The following SPOP variants were observed in gnomAD, a reference collection of about 807,000 sequenced individuals.
SPOP encodes speckle-type POZ protein.
Under a neutral mutation model 45.6 loss-of-function variants are expected in SPOP, and 11 were observed. The observed-to-expected ratio is 0.24, with a 90% confidence interval of 0.15 to 0.40. The LOEUF (loss-of-function observed/expected upper bound fraction) is 0.40. Among genes scored for constraint, SPOP ranks in the 10% least tolerant of loss-of-function variants. The probability of loss-of-function intolerance (pLI) is 1.00; values close to 1 mark genes in which losing one functional copy is unlikely to be tolerated. For synonymous variants in SPOP, 166 were observed against 166.3 expected (o/e 1.00, Z 0.01); for missense variants, 152 against 465.6 (o/e 0.33, Z 6.20).
At chr17:49,620,519 A>C (rs185782483) in intron 3 of SPOP, 2 of 152,482 alleles carry the variant, frequency 1.3e-5, no homozygotes, top group Admixed American at 6.5e-5. Flanking sequence ...AATAATATAC[A>C]TAATCTTTTA....
At chr17:49,675,777 T>C (rs2073191270) in intron 1 of SPOP, 1 of 152,172 alleles carries the variant, frequency 6.6e-6, no homozygotes, top group Non-Finnish European at 1.5e-5. Flanking sequence ...CCCAGCACTT[T>C]GGGAGGCCAA....
chr17:49,644,464 G>A (rs1003739378), intron 1 of SPOP, among the ~76,000 whole-genome samples: 1 of 152,130 alleles, frequency 6.6e-6, no homozygotes, highest in Non-Finnish European at 1.5e-5. Context: ...AAGAGGAGAA[G>A]GAAGAAGAAG....
chr17:49,666,957 T>G (rs908832252), intron 1 of SPOP, among the ~76,000 whole-genome samples: 1 of 152,090 alleles, frequency 6.6e-6, no homozygotes, highest in African/African-American at 2.4e-5. Flanking sequence ...GGTGGGTGGA[T>G]CACCTGAGGT....
chr17:49,661,841 C>G (rs1032687823), intron 1 of SPOP, among the ~76,000 whole-genome samples: 2 of 152,084 alleles, frequency 1.3e-5, no homozygotes, highest in African/African-American at 2.4e-5. Flanking sequence ...TTGAGAAACC[C>G]CGCCTCTACT....
At chr17:49,673,081 A>C (rs1385660546) in intron 1 of SPOP, among the ~76,000 whole-genome samples, 1 of 152,228 alleles carries the variant, frequency 6.6e-6, no homozygotes, top group African/African-American at 2.4e-5. Flanking sequence ...CGAACTGGAT[A>C]TTAGATGGTA....
chr17:49,611,204 CA>C, intron 6 of SPOP, 75 bp downstream of exon 6: 1 of 1,507,638 alleles, frequency 6.6e-7, no homozygotes, highest in Non-Finnish European at 9.0e-7. Context: ...TGAAGTTGTT[CA>C]AAAGGTGATT....
chr17:49,616,324 G>A, intron 5 of SPOP, among the ~76,000 whole-genome samples: 1 of 152,164 alleles, frequency 6.6e-6, no homozygotes, highest in Middle Eastern at 3.4e-3. Context: ...TGTATTTATT[G>A]TATCAGGATG....
At chr17:49,655,379 C>T (rs373201388) in intron 1 of SPOP, among the ~76,000 whole-genome samples, 4 of 151,932 alleles carry the variant, frequency 2.6e-5, no homozygotes, top group African/African-American at 7.2e-5. Flanking sequence ...GGCGTGGTGG[C>T]GGGCACCTGT....
At chr17:49,628,203 G>T (rs983391396) in intron 1 of SPOP, among the ~76,000 whole-genome samples, 15 of 152,190 alleles carry the variant, frequency 9.9e-5, no homozygotes, top group African/African-American at 3.6e-4. Context: ...ATTTTCCAAA[G>T]CTTACCAAAC....
chr17:49,609,303 C>T (rs1224665730), intron 6 of SPOP, among the ~76,000 whole-genome samples: 1 of 152,206 alleles, frequency 6.6e-6, no homozygotes, highest in East Asian at 1.9e-4. Flanking sequence ...TATCAATTCT[C>T]ATTGTTCTTA....
In SPOP at chr17:49,621,981, A is replaced by C; in HGVS notation, c.165T>G (p.Ser55=). 3.1e-6 allele frequency: 5 copies of C among 1,614,026 alleles called. No individual in the cohort carries two copies. Among genetic ancestry groups the C allele is most frequent in the Non-Finnish European group, 4.2e-6 (5 of 1,179,894 alleles). The change falls in exon 3 of 10, where the codon TCT becomes TCG. Residue 55 remains serine (S), a synonymous_variant. Transcript: ENST00000504102. ...TATCATTTGCTCCTGATGAAAATGT[A>C]GAACTTTTAATGACTTCACCCATTT... ...REEMGEVIKS[S]TFSSGANDKL...
chr17:49,649,299 A>AGGCCG (rs1406368459), intron 1 of SPOP, among the ~76,000 whole-genome samples: 3 of 151,556 alleles, frequency 2.0e-5, no homozygotes, highest in East Asian at 2.0e-4. Flanking sequence ...GCACTTTGGG[A>AGGCCG]ACCAAGGAGA....
chr17:49,637,263 T>A (rs986767105), intron 1 of SPOP, among the ~76,000 whole-genome samples: 2 of 152,072 alleles, frequency 1.3e-5, no homozygotes, highest in Non-Finnish European at 2.9e-5. Flanking sequence ...TTACCATTCC[T>A]TTATCTCACT....
Position 49,607,350 on chromosome 17 carries a change from A to G in SPOP, c.737T>C (p.Val246Ala). 1 of 1,613,724 alleles carries G rather than the reference A, an allele frequency of 6.2e-7. No individual in the cohort carries two copies. Among genetic ancestry groups the G allele is most frequent in the Non-Finnish European group, 8.5e-7 (1 of 1,179,726 alleles). The change falls in exon 8 of 10, where the codon GTG (valine) becomes GCG (alanine). Residue 246 changes from valine (V) to alanine (A), a missense_variant. Physicochemically the swap from Val to Ala is moderately conservative, Grantham distance 64. Transcript: ENST00000504102. ...SKKNRVEIND[V>A]EPEVFKEMMC... The stretch of plus-strand genomic sequence containing the variant: ...CATTTCCTTAAAAACTTCAGGCTCC[A>G]CATCATTGATTTCAACTCGATTCTA...
intron 5 of SPOP, among the ~76,000 whole-genome samples, chr17:49,614,999 C>T (rs2072053899): frequency 6.6e-6 from 1 of 151,964 alleles, no homozygotes; most frequent in Non-Finnish European, 1.5e-5. Context: ...GCTAGGACTA[C>T]AGGCACGTGC....
intron 1 of SPOP, among the ~76,000 whole-genome samples, chr17:49,671,813 C>G (rs556009248): frequency 7.7e-4 from 117 of 152,194 alleles, no homozygotes; most frequent in African/African-American, 2.7e-3. Context: ...TGAGGCCAGC[C>G]TGGCCAATAT....
rs2072181067 is a variant in SPOP at position 49,619,836 on chromosome 17, T to C, written c.201-451A>G. Among the ~76,000 whole-genome samples, 2 of 152,056 alleles carry C rather than the reference T, an allele frequency of 1.3e-5. No individual in the cohort carries two copies. Among genetic ancestry groups the C allele is most frequent in the Non-Finnish European group, 2.9e-5 (2 of 68,012 alleles). On this transcript the variant is annotated intron_variant, in intron 3 of 9. Coordinates refer to ENST00000504102, the MANE Select transcript of SPOP (RefSeq NM_001007228.2). The surrounding 1 kb of genome is among the most constrained non-coding windows in gnomAD (Gnocchi z 4.9). ...AACCACACCTGGCTGGGAACCACTT[T>C]CGTAAAGCAAAATGGGTCACCTTTT...
chr17:49,621,454 C>A (rs1338943172), intron 3 of SPOP, among the ~76,000 whole-genome samples: 3 of 152,158 alleles, frequency 2.0e-5, no homozygotes, highest in African/African-American at 4.8e-5. Context: ...GTTACATAAG[C>A]AAATAAATCC....
At chr17:49,623,724 C>T (rs902306470) in intron 1 of SPOP, among the ~76,000 whole-genome samples, 3 of 152,104 alleles carry the variant, frequency 2.0e-5, no homozygotes, top group African/African-American at 7.2e-5. Flanking sequence ...TGATCTCTCC[C>T]TGCTTACATT....
Sources: allele counts gnomAD v4.1 joint callset (sites outside exome capture counted in the v4.1 genomes callset), GRCh38; gene constraint gnomAD v4.1.1; non-coding constraint Gnocchi (gnomAD v3.1); transcripts MANE v1.5; gene names NCBI Gene and HGNC (gene_info 2026-07-23, HGNC 2026-07-21).